Variants in ARHGEF10 observed in about 807,000 individuals in gnomAD.
The protein encoded by ARHGEF10 is Rho guanine nucleotide exchange factor (GEF) 10.
Under a neutral mutation model 147.4 loss-of-function variants are expected in ARHGEF10, and 140 were observed. The observed-to-expected ratio is 0.95, with a 90% CI of 0.83 to 1.09. ARHGEF10 has a LOEUF of 1.09. Ranked by LOEUF, ARHGEF10 falls within the 50% of genes least tolerant of loss-of-function variation. ARHGEF10 has a pLI of 0.00. For synonymous variants in ARHGEF10, 902 were observed against 695.8 expected (o/e 1.30, Z -4.67); for missense variants, 2,222 against 1,752.7 (o/e 1.27, Z -4.78).
In ARHGEF10 at chr8:1,905,620, A is replaced by C. The variant is rs761031558; in HGVS notation, c.1871A>C (p.Glu624Ala). The C allele has an allele frequency of 1.2e-6, 2 of 1,614,094 alleles. No individual in the cohort carries two copies. Among genetic ancestry groups the C allele is most frequent in the Non-Finnish European group, 8.5e-7 (1 of 1,180,038 alleles). ...RYLIRSDDMI[E>A]TVYNDRGEIV... Reference sequence around the variant, plus strand: ...CTCATTCGATCAGATGATATGATAGAAACAGTTTACAACGACAGAGGAGAG... The same window carrying C: ...CTCATTCGATCAGATGATATGATAGCAACAGTTTACAACGACAGAGGAGAG... The change falls in exon 17 of 29, where the codon GAA becomes GCA. Residue 624 changes from glutamate (E) to alanine (A), a missense_variant. Coordinates refer to ENST00000349830, the MANE Select transcript of ARHGEF10 (RefSeq NM_014629.4).
Position 1,881,815 on chromosome 8 carries a change from A to G in ARHGEF10, c.961-820A>G, listed in dbSNP as rs537768678. Reference sequence around the variant, plus strand: ...TGAGGAGAGCCTGGTTCTCAGCTGCACTGCTGGTCCCTTTGAGAGGTCCCT... The same window carrying G: ...TGAGGAGAGCCTGGTTCTCAGCTGCGCTGCTGGTCCCTTTGAGAGGTCCCT... On this transcript the variant is annotated intron_variant, in intron 9 of 28. Transcript: ENST00000349830. Among the ~76,000 whole-genome samples the G allele has an allele frequency of 2.1e-4, 32 of 152,302 alleles. 1 individual carries two copies. The East Asian group carries it at 5.2e-3, about 25-fold the overall frequency.
At chr8:1,855,744 TC>T (rs1476738050) in intron 2 of ARHGEF10, among the ~76,000 whole-genome samples, 9 of 152,158 alleles carry the variant, frequency 5.9e-5, no homozygotes, top group African/African-American at 1.9e-4. Flanking sequence ...CGGCATTGTT[TC>T]CGCAGCACGT....
intron 18 of ARHGEF10, among the ~76,000 whole-genome samples, chr8:1,913,549 C>T (rs1263340449): frequency 6.6e-6 from 1 of 152,172 alleles, no homozygotes; most frequent in African/African-American, 2.4e-5. Flanking sequence ...TTTAACGGAA[C>T]AGGATTGGCC....
intron 11 of ARHGEF10, among the ~76,000 whole-genome samples, chr8:1,890,126 A>G (rs1434400441): frequency 2.3e-4 from 26 of 113,748 alleles, no homozygotes; most frequent in Non-Finnish European, 4.4e-4. Flanking sequence ...AGTTGTGAGA[A>G]AACGGAGTGG....
intron 26 of ARHGEF10, among the ~76,000 whole-genome samples, chr8:1,936,017 A>G (rs1484365477): frequency 6.6e-6 from 1 of 152,200 alleles, no homozygotes; most frequent in East Asian, 1.9e-4. Context: ...TTGGACTGAC[A>G]TTCCTGAAAT....
In ARHGEF10 at chr8:1,957,494, C is replaced by G. The variant is rs1452526090; in HGVS notation, c.*231C>G. 2 of 645,388 alleles carry G rather than the reference C, an allele frequency of 3.1e-6. No individual in the cohort carries two copies. Among genetic ancestry groups the G allele is most frequent in the Admixed American group, 3.0e-5 (1 of 33,044 alleles). The allele number at this position is 645,388 out of a possible 1,614,324, so 40.0% of individuals were successfully genotyped here. On this transcript the variant is annotated 3_prime_UTR_variant, in exon 29 of 29. Transcript: ENST00000349830. Reference sequence around the variant, plus strand: ...TTCTCACGAAGGCAGAAGACTGATGCAATTTTCGAGTAATTGAGTGCAGTT... The same window carrying G: ...TTCTCACGAAGGCAGAAGACTGATGGAATTTTCGAGTAATTGAGTGCAGTT...
intron 2 of ARHGEF10, 106 bp from the exon 3 acceptor site, chr8:1,857,854 T>G: frequency 9.3e-7 from 1 of 1,072,064 alleles, no homozygotes; most frequent in Middle Eastern, 2.5e-4. Context: ...ACTTAGTCAG[T>G]GTCTCTGGCT....
chr8:1,910,593 G>T (rs571298721), intron 18 of ARHGEF10, among the ~76,000 whole-genome samples: 1 of 152,296 alleles, frequency 6.6e-6, no homozygotes, highest in East Asian at 1.9e-4. Flanking sequence ...TCTGGGGGGT[G>T]GTATGGAGAG....
chr8:1,846,894 A>G (rs140111417), intron 2 of ARHGEF10, among the ~76,000 whole-genome samples: 1 of 152,136 alleles, frequency 6.6e-6, no homozygotes, highest in African/African-American at 2.4e-5. Context: ...TAACATTTTG[A>G]GTGTAGGTTT....
At chr8:1,827,703 T>G (rs1043431651) in intron 1 of ARHGEF10, among the ~76,000 whole-genome samples, 30 of 152,218 alleles carry the variant, frequency 2.0e-4, no homozygotes, top group Non-Finnish European at 3.5e-4. Flanking sequence ...GGCCTGCCAG[T>G]AGAAAGTGCT....
intron 27 of ARHGEF10, among the ~76,000 whole-genome samples, chr8:1,947,160 C>T (rs1467982166): frequency 2.0e-5 from 3 of 152,162 alleles, no homozygotes; most frequent in Non-Finnish European, 4.4e-5. Flanking sequence ...TCCGTAATTG[C>T]CAAAGCACGC....
chr8:1,929,472 G>T (rs747019856), intron 25 of ARHGEF10, 29 bp downstream of exon 25: 2 of 1,580,746 alleles, frequency 1.3e-6, no homozygotes, highest in Non-Finnish European at 1.7e-6. Context: ...CCTCCTGGCC[G>T]GTCCTTGGGG....
intron 1 of ARHGEF10, among the ~76,000 whole-genome samples, chr8:1,829,190 G>A (rs1802944529): frequency 6.6e-6 from 1 of 151,994 alleles, no homozygotes; most frequent in African/African-American, 2.4e-5. Flanking sequence ...TGCGTGGGCC[G>A]TGTAGACACA....
At chr8:1,913,864 G>A (rs921044583) in intron 18 of ARHGEF10, among the ~76,000 whole-genome samples, 2 of 152,186 alleles carry the variant, frequency 1.3e-5, no homozygotes, top group Non-Finnish European at 2.9e-5. Context: ...TTATGAACAG[G>A]TAGCTGGAGG....
intron 11 of ARHGEF10, among the ~76,000 whole-genome samples, chr8:1,888,665 T>G (rs199573989): frequency 1.7e-5 from 2 of 118,978 alleles, no homozygotes; most frequent in African/African-American, 8.1e-5. Context: ...AACACTGAGT[T>G]GGGTGAGGGT....
intron 3 of ARHGEF10, among the ~76,000 whole-genome samples, chr8:1,859,020 G>T (rs925965110): frequency 6.6e-6 from 1 of 150,706 alleles, no homozygotes; most frequent in Non-Finnish European, 1.5e-5. Context: ...CCAGCCTCTC[G>T]GTTGTTTGCC....
In ARHGEF10 at chr8:1,957,462, C is replaced by A; in HGVS notation, c.*199C>A. 1.3e-6 allele frequency: 1 copy of A among 760,720 alleles called. No homozygotes were observed. The highest frequency in any genetic ancestry group is 1.9e-5 in the South Asian group (1 of 53,770). 47.1% of individuals were successfully genotyped at this position (760,720 alleles called of 1,614,324 possible). A position where few individuals can be genotyped will look rare whatever the true frequency, so the allele number is the denominator to read the frequency against. ...CTCTTCTGTACAGCAGAAGTAATTA[C>A]AAGCACTTCTCACGAAGGCAGAAGA... is the stretch of plus-strand genomic sequence containing the variant. On this transcript the variant is annotated 3_prime_UTR_variant, in exon 29 of 29. Coordinates refer to ENST00000349830, the MANE Select transcript of ARHGEF10 (RefSeq NM_014629.4).
At chr8:1,838,285 G>A (rs1384596186) in intron 1 of ARHGEF10, among the ~76,000 whole-genome samples, 1 of 152,226 alleles carries the variant, frequency 6.6e-6, no homozygotes, top group Non-Finnish European at 1.5e-5. Flanking sequence ...AACTCTTGAG[G>A]ACTCATAGCT....
chr8:1,944,658 T>C (rs1184391417), intron 26 of ARHGEF10, among the ~76,000 whole-genome samples: 1 of 152,252 alleles, frequency 6.6e-6, no homozygotes, highest in Non-Finnish European at 1.5e-5. Context: ...TTACTTTAGA[T>C]AACTGTGCAG....
Sources: gnomAD v4.1 joint callset for allele counts (sites outside exome capture counted in the v4.1 genomes callset) on GRCh38, gnomAD v4.1.1 for gene constraint, MANE v1.5 for transcripts, NCBI Gene and HGNC (gene_info 2026-07-23, HGNC 2026-07-21) for gene names.